The following DLC1 variants were observed in gnomAD, a reference collection of about 807,000 sequenced individuals.
DLC1 encodes the protein DLC1 Rho GTPase activating protein, also known as rho GTPase-activating protein 7.
In DLC1, 54 loss-of-function variants were observed where a neutral mutation model predicts 140.3. The observed-to-expected ratio is 0.38, with a 90% confidence interval of 0.31 to 0.48. DLC1 has a LOEUF of 0.48. DLC1 is among the 20% of genes least tolerant of loss of function. DLC1 has a pLI of 0.96. For missense variants in DLC1, 2,536 were observed against 1,907.0 expected (o/e 1.33, Z -6.14); for synonymous variants, 986 against 728.1 (o/e 1.35, Z -5.70).
chr8:13,415,399 TA>T (rs1380239851), intron 2 of DLC1, among the ~76,000 whole-genome samples: 4 of 112,126 alleles, frequency 3.6e-5, no homozygotes, highest in East Asian at 4.7e-4. Flanking sequence ...GTAAAATATT[TA>T]ATTTTTTTTT....
intron 1 of DLC1, among the ~76,000 whole-genome samples, chr8:13,565,159 C>G (rs938824182): frequency 1.3e-5 from 2 of 152,112 alleles, no homozygotes; most frequent in African/African-American, 4.8e-5. Context: ...CTGAATATTA[C>G]AAGGAAATTA....
At chr8:13,352,915 A>C (rs1157414333) in intron 4 of DLC1, among the ~76,000 whole-genome samples, 1 of 152,176 alleles carries the variant, frequency 6.6e-6, no homozygotes, top group Non-Finnish European at 1.5e-5. Flanking sequence ...GAGGATAAAC[A>C]AAATCTGAAA....
chr8:13,562,228 A>G (rs187499540), intron 1 of DLC1, among the ~76,000 whole-genome samples: 33 of 152,324 alleles, frequency 2.2e-4, no homozygotes, highest in Non-Finnish European at 4.1e-4. Flanking sequence ...AGATTGATAC[A>G]TTTGATATAT....
chr8:13,455,743 G>T (rs56187206), intron 2 of DLC1, among the ~76,000 whole-genome samples: 39,439 of 151,948 alleles, frequency 0.26, 6,378 homozygotes, highest in Middle Eastern at 0.39. Flanking sequence ...AGGCAAGGTG[G>T]CTCATGCATG....
intron 4 of DLC1, among the ~76,000 whole-genome samples, chr8:13,305,972 A>C (rs1027372672): frequency 1.3e-5 from 2 of 152,146 alleles, no homozygotes; most frequent in Non-Finnish European, 2.9e-5. Context: ...GGGCATTTCA[A>C]ATCTCTTCCC....
chr8:13,541,588 C>T (rs541026708), intron 1 of DLC1, among the ~76,000 whole-genome samples: 2 of 152,252 alleles, frequency 1.3e-5, no homozygotes, highest in South Asian at 4.1e-4. Context: ...CTCACTCTGT[C>T]GCCAAGGCTG....
At chr8:13,354,588 C>T (rs1834833349) in intron 4 of DLC1, among the ~76,000 whole-genome samples, 1 of 152,116 alleles carries the variant, frequency 6.6e-6, no homozygotes, top group Admixed American at 6.5e-5. Context: ...TAGCACATTT[C>T]ACTTTTCGGA....
intron 5 of DLC1, among the ~76,000 whole-genome samples, chr8:13,209,856 C>T (rs1157364372): frequency 1.3e-5 from 2 of 152,138 alleles, no homozygotes; most frequent in African/African-American, 4.8e-5. Context: ...TCTGTACAGC[C>T]TGCAGAACCA....
chr8:13,115,530 C>T (rs1364977478), intron 6 of DLC1, 56 bp downstream of exon 6: 14 of 1,483,972 alleles, frequency 9.4e-6, no homozygotes, highest in Middle Eastern at 1.7e-4. Flanking sequence ...CAGTAATACT[C>T]GCGAACAAGG....
At chr8:13,240,601 T>C (rs1585984027) in intron 5 of DLC1, among the ~76,000 whole-genome samples, 2 of 152,170 alleles carry the variant, frequency 1.3e-5, no homozygotes, top group East Asian at 3.9e-4. Flanking sequence ...AATTTTTGTA[T>C]TTTTTGATTT....
At chr8:13,473,535 C>G (rs1800307353) in intron 2 of DLC1, among the ~76,000 whole-genome samples, 1 of 152,092 alleles carries the variant, frequency 6.6e-6, no homozygotes, top group Non-Finnish European at 1.5e-5. Flanking sequence ...ATATTTGGAA[C>G]TGGGTAACGG....
intron 2 of DLC1, among the ~76,000 whole-genome samples, chr8:13,405,715 A>G (rs1263808025): frequency 6.6e-6 from 1 of 152,108 alleles, no homozygotes; most frequent in Non-Finnish European, 1.5e-5. Context: ...AATATACAGA[A>G]ACTGTGTTTT....
chr8:13,499,718 A>G lies in DLC1; in HGVS notation c.354T>C (p.Asp118=), dbSNP rs1585210076. 13 of 1,614,156 alleles carry G rather than the reference A, an allele frequency of 8.1e-6. No individual in the cohort carries two copies. The highest frequency in any genetic ancestry group is 1.1e-5 in the South Asian group (1 of 91,084). ...CCTGTTTATCATCTGTAAGGCATAA[A>G]TCAGCATTGTTATCCTCATCAGAAA... ...VHVSDEDNNA[D]LCLTDDKQVL... The change falls in exon 2 of 18, where the codon GAT becomes GAC. Residue 118 remains aspartate (D), a synonymous_variant. Transcript: ENST00000276297.
At position 13,094,793 on chromosome 8, in the gene DLC1, G is replaced by C; in HGVS notation, c.3492C>G (p.Asn1164Lys). The stretch of plus-strand genomic sequence containing the variant: ...TCTGTAGAAAGGTTTCCGAGAGTTT[G>C]TTCGTCATTAGTGGCTCAGGAAGAT... Reference protein sequence around the residue: ...FRDLPEPLMTNKLSETFLQIY... With the variant: ...FRDLPEPLMTKKLSETFLQIY... Residue 1164 changes from asparagine (N) to lysine (K), a missense_variant, in exon 12 of 18, where the codon AAC (asparagine) becomes AAG (lysine). Physicochemically the swap from Asn to Lys is moderately conservative, Grantham distance 94. Transcript: ENST00000276297. 6.2e-7 allele frequency: 1 copy of C among 1,614,196 alleles called. No homozygotes were observed. Among genetic ancestry groups the C allele is most frequent in the Non-Finnish European group, 8.5e-7 (1 of 1,180,034 alleles).
intron 5 of DLC1, among the ~76,000 whole-genome samples, chr8:13,248,627 C>T (rs560654309): frequency 6.6e-6 from 1 of 152,302 alleles, no homozygotes; most frequent in South Asian, 2.1e-4. Flanking sequence ...AATTCCAGCA[C>T]CATCACTGAG....
intron 1 of DLC1, chr8:13,567,919 C>G (rs180788033): frequency 6.4e-7 from 1 of 1,550,912 alleles, no homozygotes; most frequent in Non-Finnish European, 8.7e-7. Flanking sequence ...TCTAATCAAA[C>G]CAGAGCTGGT....
intron 2 of DLC1, among the ~76,000 whole-genome samples, chr8:13,410,624 C>T (rs1462844658): frequency 1.3e-5 from 2 of 149,770 alleles, no homozygotes; most frequent in African/African-American, 4.9e-5. Flanking sequence ...CTAGAAGTAA[C>T]TAAAAAAAGA....
In DLC1 at chr8:13,578,865, G is replaced by A. The variant is rs761106016; in HGVS notation, c.-126+25672C>T. Among the ~76,000 whole-genome samples, 6 of 152,004 alleles carry A rather than the reference G, an allele frequency of 3.9e-5. No individual in the cohort carries two copies. In the South Asian group the frequency reaches 8.3e-4, roughly 21 times the overall value. ...TTTTCTGTGGAGACTTCATCACGTA[G>A]GCATGATTAAGTAAATCTATGGCCA... On this transcript the variant is annotated intron_variant, in intron 1 of 1. Transcript: ENST00000631382.
intron 2 of DLC1, among the ~76,000 whole-genome samples, chr8:13,478,381 C>T (rs1800535787): frequency 6.6e-6 from 1 of 152,192 alleles, no homozygotes; most frequent in South Asian, 2.1e-4. Context: ...AACCTCCCAC[C>T]AGGTCCCAAC....
Sources: gnomAD v4.1 joint callset for allele counts (sites outside exome capture counted in the v4.1 genomes callset) on GRCh38, gnomAD v4.1.1 for gene constraint, MANE v1.5 for transcripts, NCBI Gene and HGNC (gene_info 2026-07-23, HGNC 2026-07-21) for gene names.